Variants in MAST4 observed in about 807,000 individuals in gnomAD.
MAST4 encodes microtubule associated serine/threonine kinase family member 4, also known as microtubule-associated serine/threonine-protein kinase 4.
A neutral mutation model predicts 162.7 loss-of-function variants in MAST4; 89 were observed. The ratio of observed to expected loss-of-function variants is 0.55; its 90% confidence interval spans 0.46 to 0.65. The LOEUF (loss-of-function observed/expected upper bound fraction) is 0.65. Ranked by LOEUF, MAST4 falls within the 30% of genes least tolerant of loss-of-function variation. The pLI, the probability that MAST4 is intolerant of heterozygous loss-of-function variation, is 0.00. For missense variants in MAST4, 3,153 were observed against 3,374.0 expected (o/e 0.93, Z 1.62); for synonymous variants, 1,479 against 1,361.1 (o/e 1.09, Z -1.91).
chr5:67,106,119 TC>T (rs1393563946), intron 10 of MAST4, among the ~76,000 whole-genome samples: 3 of 152,202 alleles, frequency 2.0e-5, no homozygotes, highest in Non-Finnish European at 4.4e-5. Flanking sequence ...GGATTTCTCT[TC>T]CAACTCCCGT....
chr5:66,739,370 T>C (rs982035805), intron 1 of MAST4, among the ~76,000 whole-genome samples: 16 of 152,164 alleles, frequency 1.1e-4, no homozygotes, highest in Admixed American at 7.9e-4. Context: ...GGCAGGAATT[T>C]TTGGGAGAAA....
intron 1 of MAST4, among the ~76,000 whole-genome samples, chr5:66,722,307 C>A (rs547848456): frequency 1.3e-5 from 2 of 152,076 alleles, no homozygotes; most frequent in Non-Finnish European, 2.9e-5. Context: ...CTATTTTGAG[C>A]CTCTGTGTAG....
intron 5 of MAST4, among the ~76,000 whole-genome samples, chr5:67,057,591 TAA>T (rs11351677): frequency 4.5e-4 from 50 of 111,592 alleles, no homozygotes; most frequent in Non-Finnish European, 4.5e-4. Flanking sequence ...ACAGTCTCAT[TAA>T]AAAAAAAAAA....
At chr5:67,156,581 A>C (rs1476719104) in intron 26 of MAST4, among the ~76,000 whole-genome samples, 2 of 152,218 alleles carry the variant, frequency 1.3e-5, no homozygotes, top group Non-Finnish European at 2.9e-5. Flanking sequence ...GATGAGTGGC[A>C]ATTCAGTATA....
intron 3 of MAST4, among the ~76,000 whole-genome samples, chr5:66,856,762 G>T (rs953465848): frequency 3.3e-5 from 5 of 152,348 alleles, no homozygotes; most frequent in Admixed American, 2.0e-4. Flanking sequence ...TCTTTGGATT[G>T]TGCTTTTTAT....
chr5:66,732,912 G>A (rs867056789), intron 1 of MAST4, among the ~76,000 whole-genome samples: 9 of 152,152 alleles, frequency 5.9e-5, no homozygotes, highest in African/African-American at 2.2e-4. Flanking sequence ...GCTTGTTTTG[G>A]AAGATATGAG....
intron 6 of MAST4, 34 bp from the exon 7 acceptor site, chr5:67,095,563 G>C (rs751262739): frequency 1.3e-6 from 2 of 1,554,680 alleles, no homozygotes; most frequent in African/African-American, 1.4e-5. Context: ...CAGTACGCCA[G>C]TGTTGGCCTA....
intron 4 of MAST4, among the ~76,000 whole-genome samples, chr5:66,951,596 A>ATGTG (rs1491469801): frequency 1.3e-3 from 144 of 114,846 alleles, no homozygotes; most frequent in Non-Finnish European, 1.4e-3. Context: ...GCCTCCCATG[A>ATGTG]TATGTGTGTG....
At chr5:66,938,037 T>C (rs1742952074) in intron 4 of MAST4, among the ~76,000 whole-genome samples, 1 of 152,060 alleles carries the variant, frequency 6.6e-6, no homozygotes, top group South Asian at 2.1e-4. Flanking sequence ...TTAGCTGTTA[T>C]ATTTATATTA....
intron 4 of MAST4, among the ~76,000 whole-genome samples, chr5:66,951,636 G>GTGTGTGTGTGTGTGTATGTA (rs1744712991): frequency 2.6e-4 from 38 of 145,362 alleles, no homozygotes; most frequent in South Asian, 2.2e-4. Context: ...GTGTGTGTGT[G>GTGTGTGTGTGTGTGTATGTA]TGTGTGTGTG....
At chr5:67,090,104 G>C in intron 5 of MAST4, 58 bp from the exon 6 acceptor site, 1 of 1,129,592 alleles carries the variant, frequency 8.9e-7, no homozygotes, top group Non-Finnish European at 1.3e-6. Flanking sequence ...GAGAATTATT[G>C]ATGTGGAAAT....
chr5:66,610,981 G>C (rs1743254073), intron 1 of MAST4, among the ~76,000 whole-genome samples: 1 of 152,208 alleles, frequency 6.6e-6, no homozygotes, highest in Admixed American at 6.5e-5. Flanking sequence ...GCCAGTGAAG[G>C]CTCAGAATTT....
intron 4 of MAST4, among the ~76,000 whole-genome samples, chr5:67,007,897 C>T (rs1008877869): frequency 1.3e-5 from 2 of 152,192 alleles, no homozygotes; most frequent in African/African-American, 2.4e-5. Flanking sequence ...TACAGACATA[C>T]TCTCAGGCCT....
intron 4 of MAST4, among the ~76,000 whole-genome samples, chr5:67,017,504 A>C (rs1753443430): frequency 6.6e-6 from 1 of 152,200 alleles, no homozygotes; most frequent in Non-Finnish European, 1.5e-5. Context: ...ACATGGTAAA[A>C]TCATCCTTTT....
chr5:67,142,573 G>A, intron 21 of MAST4, 40 bp downstream of exon 21: 5 of 1,347,128 alleles, frequency 3.7e-6, no homozygotes, highest in Non-Finnish European at 5.2e-6. Context: ...GTCTCTCTGG[G>A]AGGATCTCCC....
chr5:67,077,515 C>T (rs1025295589), intron 5 of MAST4, among the ~76,000 whole-genome samples: 1 of 152,160 alleles, frequency 6.6e-6, no homozygotes, highest in African/African-American at 2.4e-5. Flanking sequence ...AGAGTATTGC[C>T]AGCTGGCCCC....
chr5:66,972,105 A>G (rs1038033724), intron 4 of MAST4, among the ~76,000 whole-genome samples: 11 of 152,202 alleles, frequency 7.2e-5, no homozygotes, highest in African/African-American at 2.7e-4. Flanking sequence ...TGTTCCAAGA[A>G]GAGTGTTCTG....
chr5:67,144,986 ATGT>A (rs1303508493), intron 22 of MAST4, among the ~76,000 whole-genome samples, 155 bp from the exon 23 acceptor site: 2 of 152,320 alleles, frequency 1.3e-5, no homozygotes, highest in East Asian at 3.9e-4. Context: ...GATTATGCAG[ATGT>A]TGCTGCTGTG....
intron 4 of MAST4, among the ~76,000 whole-genome samples, chr5:66,973,302 T>A (rs76066002): frequency 2.0e-5 from 3 of 152,108 alleles, no homozygotes; most frequent in Non-Finnish European, 2.9e-5. Context: ...TTTTTTTTTT[T>A]ATGTCAGAAT....
Sources: gnomAD v4.1 joint callset for allele counts (sites outside exome capture counted in the v4.1 genomes callset) on GRCh38, gnomAD v4.1.1 for gene constraint, MANE v1.5 for transcripts, NCBI Gene and HGNC (gene_info 2026-07-23, HGNC 2026-07-21) for gene names.